Variants in NRG3 observed in about 807,000 individuals in gnomAD.
The protein encoded by NRG3 is pro-neuregulin-3, membrane-bound isoform.
Under a neutral mutation model 66.9 loss-of-function variants are expected in NRG3, and 31 were observed. The ratio of observed to expected loss-of-function variants is 0.46; its 90% CI spans 0.35 to 0.63. The LOEUF (loss-of-function observed/expected upper bound fraction) is 0.63. Among genes scored for constraint, NRG3 ranks in the 20% least tolerant of loss-of-function variants. NRG3 has a pLI of 0.00. For missense variants in NRG3, 910 were observed against 878.9 expected (o/e 1.04, Z -0.45); for synonymous variants, 393 against 359.4 (o/e 1.09, Z -1.06).
chr10:81,996,294 G>T (rs2060936487), intron 1 of NRG3, among the ~76,000 whole-genome samples: 1 of 152,116 alleles, frequency 6.6e-6, no homozygotes, highest in East Asian at 1.9e-4. Flanking sequence ...GAAGTCTATA[G>T]TGTATCCCTT....
intron 4 of NRG3, among the ~76,000 whole-genome samples, chr10:82,913,711 C>T (rs1215074424): frequency 1.3e-5 from 2 of 152,124 alleles, no homozygotes; most frequent in Non-Finnish European, 2.9e-5. Context: ...CCCTTCCCAC[C>T]ATTGCACATT....
chr10:82,098,266 G>T (rs1359774137), intron 1 of NRG3, among the ~76,000 whole-genome samples: 2 of 150,210 alleles, frequency 1.3e-5, no homozygotes, highest in African/African-American at 4.9e-5. Context: ...GTCATATATA[G>T]ATGTCATATA....
intron 2 of NRG3, among the ~76,000 whole-genome samples, chr10:82,557,215 A>G (rs2044708878): frequency 6.6e-6 from 1 of 152,196 alleles, no homozygotes. Flanking sequence ...GAATTGCCAT[A>G]CTGCTTTCCA....
intron 1 of NRG3, among the ~76,000 whole-genome samples, chr10:82,337,064 T>G (rs773531381): frequency 6.6e-6 from 1 of 152,344 alleles, no homozygotes; most frequent in East Asian, 1.9e-4. Flanking sequence ...TGCAGAATCT[T>G]AACTACTGAG....
chr10:82,409,821 T>C (rs2087916578), intron 2 of NRG3, among the ~76,000 whole-genome samples: 1 of 152,168 alleles, frequency 6.6e-6, no homozygotes, highest in Admixed American at 6.6e-5. Context: ...TCATATAAGA[T>C]GGTTTACTCA....
chr10:81,916,606 G>A (rs7092658), intron 1 of NRG3, among the ~76,000 whole-genome samples: 2,878 of 152,250 alleles, frequency 0.019, 80 homozygotes, highest in African/African-American at 0.063. Context: ...ACGAACCCAA[G>A]GGTCTGCTGT....
At chr10:82,043,658 G>A (rs975859663) in intron 1 of NRG3, among the ~76,000 whole-genome samples, 12 of 151,990 alleles carry the variant, frequency 7.9e-5, no homozygotes, top group Admixed American at 6.6e-4. Context: ...ATAACACTCT[G>A]GTCCATTTCT....
At chr10:82,557,986 T>G (rs1351259066) in intron 2 of NRG3, among the ~76,000 whole-genome samples, 1 of 151,838 alleles carries the variant, frequency 6.6e-6, no homozygotes, top group Non-Finnish European at 1.5e-5. Context: ...GAAAGAGAGG[T>G]TTGGAACACG....
chr10:82,497,515 G>C (rs571945689), intron 2 of NRG3, among the ~76,000 whole-genome samples: 1 of 152,122 alleles, frequency 6.6e-6, no homozygotes, highest in African/African-American at 2.4e-5. Context: ...TGTCCTCCAA[G>C]GTCATCCATA....
chr10:82,400,801 CT>C, intron 2 of NRG3, among the ~76,000 whole-genome samples: 1 of 152,100 alleles, frequency 6.6e-6, no homozygotes, highest in Admixed American at 6.6e-5. Context: ...CCTGAAACTG[CT>C]GAGCTCAAGC....
chr10:82,347,952 T>C (rs1404295240), intron 1 of NRG3, among the ~76,000 whole-genome samples: 3 of 152,160 alleles, frequency 2.0e-5, no homozygotes, highest in African/African-American at 7.2e-5. Context: ...ATTTTGAGCC[T>C]ATGTGTGTCT....
intron 2 of NRG3, among the ~76,000 whole-genome samples, chr10:82,615,911 C>T (rs1255410477): frequency 2.6e-5 from 4 of 152,126 alleles, no homozygotes; most frequent in Non-Finnish European, 5.9e-5. Flanking sequence ...GCAGACTACT[C>T]CTGTGAGACA....
At chr10:82,257,340 G>A (rs1041202865) in intron 1 of NRG3, among the ~76,000 whole-genome samples, 1 of 152,082 alleles carries the variant, frequency 6.6e-6, no homozygotes, top group Non-Finnish European at 1.5e-5. Context: ...TTGTGCCAGT[G>A]GGTTACAGTG....
chr10:82,189,092 A>G (rs2073983729), intron 1 of NRG3, among the ~76,000 whole-genome samples: 1 of 152,172 alleles, frequency 6.6e-6, no homozygotes, highest in Non-Finnish European at 1.5e-5. Flanking sequence ...TTAATTTTAT[A>G]TAAATATAAA....
Position 82,842,197 on chromosome 10 carries a change from G to A in NRG3, c.1028-23214G>A, listed in dbSNP as rs181709431. On this transcript the variant is annotated intron_variant, in intron 3 of 8. Transcript: ENST00000372141. Reference sequence around the variant, plus strand: ...ACCTGGGACACAGATGTTGCAGTGGGCTGAGATCACACCACTGCACTCCAG... The same window carrying A: ...ACCTGGGACACAGATGTTGCAGTGGACTGAGATCACACCACTGCACTCCAG... 5.1e-3 allele frequency among the ~76,000 whole-genome samples: 774 copies of A among 152,248 alleles called. 7 individuals are homozygous for A. The highest frequency in any genetic ancestry group is 0.018 in the African/African-American group (738 of 41,556).
chr10:82,591,483 G>T (rs1347689183), intron 2 of NRG3, among the ~76,000 whole-genome samples: 2 of 152,170 alleles, frequency 1.3e-5, no homozygotes, highest in Admixed American at 1.3e-4. Flanking sequence ...AACTCAATTT[G>T]ATTCAGAGTT....
At chr10:82,974,287 G>C (rs547371458) in intron 7 of NRG3, among the ~76,000 whole-genome samples, 2 of 152,256 alleles carry the variant, frequency 1.3e-5, no homozygotes, top group East Asian at 3.9e-4. Context: ...ACAGACTTCA[G>C]GTTTTCCAAT....
rs560384915 is a variant in NRG3, at chr10:82,458,772, T to A, written c.953+99904T>A. On this transcript the variant is annotated intron_variant, in intron 2 of 8. Coordinates refer to ENST00000372141, the MANE Select transcript of NRG3 (RefSeq NM_001010848.4). ...TGAAAAAGGGAAGAAAGAATATGTA[T>A]CATCGTTGGGTTAAAAGAGTTGAAT... 2.0e-5 allele frequency among the ~76,000 whole-genome samples: 3 copies of A among 152,258 alleles called. No individual in the cohort carries two copies. In the East Asian group the frequency reaches 5.8e-4, roughly 29 times the overall value.
At chr10:82,051,710 G>A (rs562256723) in intron 1 of NRG3, among the ~76,000 whole-genome samples, 2 of 152,274 alleles carry the variant, frequency 1.3e-5, no homozygotes, top group African/African-American at 4.8e-5. Context: ...TACAAAAATT[G>A]TGTTTGTATC....
Sources: allele counts gnomAD v4.1 joint callset (sites outside exome capture counted in the v4.1 genomes callset), GRCh38; gene constraint gnomAD v4.1.1; transcripts MANE v1.5; gene names NCBI Gene and HGNC (gene_info 2026-07-23, HGNC 2026-07-21).